The following UNC45B variants were observed in gnomAD, a reference collection of about 807,000 sequenced individuals.
UNC45B encodes unc-45 myosin chaperone B.
In UNC45B, 78 loss-of-function variants were observed where a neutral mutation model predicts 98.7. That is an observed-to-expected ratio of 0.79 (90% CI 0.66 to 0.95). The LOEUF (loss-of-function observed/expected upper bound fraction) is 0.95, where lower values mean the gene tolerates loss of function less well. UNC45B is among the 40% of genes least tolerant of loss of function. The pLI, the probability that UNC45B is intolerant of heterozygous loss-of-function variation, is 0.00. For synonymous variants in UNC45B, 462 were observed against 480.4 expected (o/e 0.96, Z 0.50); for missense variants, 1,225 against 1,184.9 (o/e 1.03, Z -0.50).
At chr17:35,180,442 C>T (rs2092265692) in intron 17 of UNC45B, 117 bp from the exon 18 acceptor site, 1 of 754,798 alleles carries the variant, frequency 1.3e-6, no homozygotes, top group African/African-American at 1.8e-5. Context: ...ACCATGCTGG[C>T]TGAGGATGTG....
rs756904137 is a variant in UNC45B at position 35,186,507 on chromosome 17, G to A, written c.2738G>A (p.Arg913Gln). The A allele has an allele frequency of 7.4e-6, 12 of 1,614,084 alleles. No homozygotes were observed. In the African/African-American group the frequency reaches 8.0e-5, roughly 11 times the overall value. ...AAGGCAGAAGTGGTTCAGACAGCCC[G>A]AGAATGTCTCATCAAGTGCATGGAT... ...EKKAEVVQTA[R>Q]ECLIKCMDYG... is the part of the protein sequence containing the mutation. Residue 913 changes from arginine (R) to glutamine (Q), a missense_variant, in exon 20 of 20, where the codon CGA (arginine) becomes CAA (glutamine). Physicochemically the swap from Arg to Gln is conservative, Grantham distance 43. Transcript: ENST00000394570.
At chr17:35,163,004 C>T (rs994809255) in intron 8 of UNC45B, among the ~76,000 whole-genome samples, 26 of 152,270 alleles carry the variant, frequency 1.7e-4, no homozygotes, top group Middle Eastern at 3.4e-3. Context: ...TGAAATCAGA[C>T]GGGATTGGGA....
At position 35,186,655 on chromosome 17, in the gene UNC45B, A is replaced by G; in HGVS notation, c.*96A>G. On this transcript the variant is annotated 3_prime_UTR_variant, in exon 20 of 20. Transcript: ENST00000394570. ...AAGAGTCAGGTCATCTAGGGATCAT[A>G]GCAGTGACAATGAAGTCTCAATATA... 1 of 1,393,048 alleles carries G rather than the reference A, an allele frequency of 7.2e-7. No homozygotes were observed. Among genetic ancestry groups the G allele is most frequent in the Non-Finnish European group, 9.8e-7 (1 of 1,017,192 alleles). The allele number at this position is 1,393,048 out of a possible 1,614,324, so 86.3% of individuals were successfully genotyped here.
intron 6 of UNC45B, 46 bp downstream of exon 6, chr17:35,154,787 C>G (rs1262922725): frequency 6.6e-7 from 1 of 1,516,494 alleles, no homozygotes; most frequent in African/African-American, 1.4e-5. Context: ...ACTGCTGGTC[C>G]AAGGATCCGG....
At chr17:35,160,519 C>G (rs940493091) in intron 8 of UNC45B, among the ~76,000 whole-genome samples, 1 of 152,134 alleles carries the variant, frequency 6.6e-6, no homozygotes, top group Admixed American at 6.5e-5. Context: ...GTCACTGCAA[C>G]CTCAAACTCC....
rs80100968 is a variant in UNC45B, at chr17:35,150,223, G to A, written c.381G>A (p.Lys127=). The A allele has an allele frequency of 0.085, 135,814 of 1,606,556 alleles. 6,588 individuals are homozygous for A. The highest frequency in any genetic ancestry group is 0.1 in the Non-Finnish European group (117,890 of 1,176,192). Reference sequence around the variant, plus strand: ...GACTCAACACCAGCATTCAGGAGAAGGTGAGCTGGGCCTCTTCCCACAACC... The same window carrying A: ...GACTCAACACCAGCATTCAGGAGAAAGTGAGCTGGGCCTCTTCCCACAACC... The part of the protein sequence containing the change: ...LRRLNTSIQE[K]LRVQFSTDSR... Residue 127 remains lysine, a splice_region_variant and synonymous_variant, in exon 4 of 20, where the codon AAG becomes AAA. Coordinates refer to ENST00000394570, the MANE Select transcript of UNC45B (RefSeq NM_001267052.2).
Position 35,152,890 on chromosome 17 carries a change from C to T in UNC45B, c.382-3C>T. On this transcript the variant is annotated splice_polypyrimidine_tract_variant and splice_region_variant and intron_variant, in intron 4 of 19. Coordinates refer to ENST00000394570, the MANE Select transcript of UNC45B (RefSeq NM_001267052.2). ...CCTTCCCCACTCCCTCCTCTCTCCT[C>T]AGCTCCGAGTGCAGTTCTCCACAGA... 6.2e-7 allele frequency: 1 copy of T among 1,613,844 alleles called. No homozygotes were observed. The highest frequency in any genetic ancestry group is 8.5e-7 in the Non-Finnish European group (1 of 1,179,748).
chr17:35,167,608 TC>T (rs1336025293), intron 9 of UNC45B, among the ~76,000 whole-genome samples: 1 of 147,800 alleles, frequency 6.8e-6, no homozygotes, highest in Non-Finnish European at 1.5e-5. Context: ...AGAGCAAGAC[TC>T]AGTCTCAAAA....
chr17:35,173,736 CT>C (rs1305507859), intron 13 of UNC45B, among the ~76,000 whole-genome samples: 5 of 151,900 alleles, frequency 3.3e-5, no homozygotes, highest in African/African-American at 9.7e-5. Flanking sequence ...TCTCAAAATC[CT>C]TAACTTAATC....
At chr17:35,182,040 A>C (rs1376150968) in intron 18 of UNC45B, among the ~76,000 whole-genome samples, 1 of 151,804 alleles carries the variant, frequency 6.6e-6, no homozygotes, top group African/African-American at 2.4e-5. Flanking sequence ...ATAGGATAGA[A>C]GTTCATTTCT....
rs1284979441 is a variant in UNC45B, at chr17:35,166,086, T to A, written c.1151+1920T>A. Among the ~76,000 whole-genome samples the A allele has an allele frequency of 4.5e-3, 263 of 58,102 alleles. 3 individuals are homozygous for A. The highest frequency in any genetic ancestry group is 7.0e-3 in the Non-Finnish European group (231 of 32,962). The allele number at this position is 58,102 out of a possible 152,430, so 38.1% of individuals were successfully genotyped here. A position where few individuals can be genotyped will look rare whatever the true frequency, so the allele number is the denominator to read the frequency against. ...GGCAATGTAGAGAGACCCTCATCTCTAAAAAAAAAAAAAAAAAAAAAAAAA... is the reference window on the plus strand; with the variant it reads ...GGCAATGTAGAGAGACCCTCATCTCAAAAAAAAAAAAAAAAAAAAAAAAAA... On this transcript the variant is annotated intron_variant, in intron 9 of 19. Transcript: ENST00000394570.
At chr17:35,178,958 G>T (rs2142592680) in intron 17 of UNC45B, among the ~76,000 whole-genome samples, 1 of 152,252 alleles carries the variant, frequency 6.6e-6, no homozygotes, top group South Asian at 2.1e-4. Context: ...AGTATAGTTT[G>T]AAGTCAGGTA....
chr17:35,155,317 G>T lies in UNC45B; in HGVS notation c.661G>T (p.Val221Leu), dbSNP rs756164460. ...QARATVILHA[V>L]RIDRICSLMA... ...CTAGGCCACAGTGATTCTGCATGCA[G>T]TGCGGATAGACCGAATCTGTAGCCT... The change falls in exon 7 of 20, where the codon GTG becomes TTG. Residue 221 changes from valine to leucine, a missense_variant. Physicochemically the swap from Val to Leu is conservative, Grantham distance 32. Transcript: ENST00000394570. 5 of 1,614,170 alleles carry T rather than the reference G, an allele frequency of 3.1e-6. No individual in the cohort carries two copies. The highest frequency in any genetic ancestry group is 1.3e-5 in the African/African-American group (1 of 75,070).
chr17:35,184,636 G>A (rs1300446511), intron 19 of UNC45B, among the ~76,000 whole-genome samples: 1 of 152,156 alleles, frequency 6.6e-6, no homozygotes, highest in Non-Finnish European at 1.5e-5. Context: ...TATTATTATT[G>A]TCATCATCCC....
intron 8 of UNC45B, among the ~76,000 whole-genome samples, chr17:35,159,955 A>T (rs1405130206): frequency 1.3e-5 from 2 of 152,244 alleles, no homozygotes; most frequent in Non-Finnish European, 2.9e-5. Context: ...AGTATCTGAG[A>T]CAGGTCTCAA....
intron 4 of UNC45B, chr17:35,151,106 C>T (rs1424361164): frequency 1.5e-5 from 3 of 196,660 alleles, no homozygotes; most frequent in Non-Finnish European, 3.2e-5. Flanking sequence ...CCGTACGCCA[C>T]ATTTCCCGCG....
In UNC45B at chr17:35,170,109, T is replaced by C. The variant is rs1287304057; in HGVS notation, c.1548-5T>C. 6.2e-7 allele frequency: 1 copy of C among 1,607,108 alleles called. No individual in the cohort carries two copies. The highest frequency in any genetic ancestry group is 8.5e-7 in the Non-Finnish European group (1 of 1,175,024). Reference sequence around the variant, plus strand: ...TTCCCATGTGTGCTCCCTCCTCACTTCCAGGTGGCTGTGCAATATGTCCAT... The same window carrying C: ...TTCCCATGTGTGCTCCCTCCTCACTCCCAGGTGGCTGTGCAATATGTCCAT... On this transcript the variant is annotated splice_polypyrimidine_tract_variant and splice_region_variant and intron_variant, in intron 11 of 19. Transcript: ENST00000394570.
intron 4 of UNC45B, among the ~76,000 whole-genome samples, chr17:35,152,635 T>C (rs2092028557): frequency 6.6e-6 from 1 of 152,222 alleles, no homozygotes. Context: ...TCCCAGACTA[T>C]TGTGATGTCT....
At chr17:35,166,301 A>G (rs2092140904) in intron 9 of UNC45B, among the ~76,000 whole-genome samples, 1 of 151,322 alleles carries the variant, frequency 6.6e-6, no homozygotes, top group Non-Finnish European at 1.5e-5. Flanking sequence ...GCTATTCTCA[A>G]CTCCCTGGAT....
Sources: allele counts gnomAD v4.1 joint callset (sites outside exome capture counted in the v4.1 genomes callset), GRCh38; gene constraint gnomAD v4.1.1; transcripts MANE v1.5; gene names NCBI Gene and HGNC (gene_info 2026-07-23, HGNC 2026-07-21).